Variants in WDPCP observed in about 807,000 individuals in gnomAD.
The protein encoded by WDPCP is WD repeat-containing and planar cell polarity effector protein fritz homolog.
In WDPCP, 71 loss-of-function variants were observed where a neutral mutation model predicts 93.1. The ratio of observed to expected loss-of-function variants is 0.76; its 90% CI spans 0.63 to 0.93. The LOEUF (loss-of-function observed/expected upper bound fraction) is 0.93, where lower values mean the gene tolerates loss of function less well. Among genes scored for constraint, WDPCP ranks in the 40% least tolerant of loss-of-function variants. WDPCP has a pLI of 0.00. For synonymous variants in WDPCP, 315 were observed against 315.0 expected (o/e 1.00, Z 0.00); for missense variants, 844 against 887.4 (o/e 0.95, Z 0.62).
upstream of WDPCP, chr2:63,589,431 C>T (rs1709108786): frequency 1.3e-6 from 2 of 1,516,670 alleles, no homozygotes; most frequent in Non-Finnish European, 1.8e-6. Context: ...TTTTTCTCCT[C>T]ATTTGCCCAC....
At chr2:63,195,961 C>G (rs1675402683) in intron 14 of WDPCP, among the ~76,000 whole-genome samples, 1 of 152,148 alleles carries the variant, frequency 6.6e-6, no homozygotes, top group Admixed American at 6.5e-5. Flanking sequence ...GTATAGCCAC[C>G]TCCTGTTGCT....
chr2:63,632,027 C>A (rs1709869903), intron 3 of WDPCP, among the ~76,000 whole-genome samples: 1 of 152,212 alleles, frequency 6.6e-6, no homozygotes, highest in Non-Finnish European at 1.5e-5. Flanking sequence ...AAAGGATAGG[C>A]TGTTATGTAT....
chr2:63,806,756 T>C (rs1670773444), intron 2 of WDPCP, among the ~76,000 whole-genome samples: 1 of 152,150 alleles, frequency 6.6e-6, no homozygotes, highest in Admixed American at 6.5e-5. Context: ...GCGATATTTC[T>C]CCCATTTGCT....
At chr2:63,689,546 C>T (rs1668862059) in intron 2 of WDPCP, among the ~76,000 whole-genome samples, 2 of 152,142 alleles carry the variant, frequency 1.3e-5, no homozygotes, top group Admixed American at 6.5e-5. Context: ...GTAACTGAAA[C>T]TCCTGATGCA....
chr2:63,761,975 TA>T (rs750603667), intron 2 of WDPCP, among the ~76,000 whole-genome samples: 1 of 151,794 alleles, frequency 6.6e-6, no homozygotes. Context: ...TACTTACATT[TA>T]AAAAAAACAC....
chr2:63,655,704 T>C (rs1181873438), intron 2 of WDPCP, among the ~76,000 whole-genome samples: 2 of 152,218 alleles, frequency 1.3e-5, no homozygotes, highest in African/African-American at 4.8e-5. Context: ...AAAATCTATA[T>C]ATGTCCTTGT....
intron 12 of WDPCP, among the ~76,000 whole-genome samples, chr2:63,374,136 A>G (rs1194332871): frequency 1.3e-5 from 2 of 148,992 alleles, no homozygotes; most frequent in Non-Finnish European, 3.0e-5. Context: ...ATGCTGTCCC[A>G]TTCAAGGGTT....
At chr2:63,571,649 T>C (rs1195261063) in intron 1 of WDPCP, 1 of 470,442 alleles carries the variant, frequency 2.1e-6, no homozygotes, top group Non-Finnish European at 4.4e-6. Context: ...TAGTTCAATA[T>C]GACCTACTCC....
intron 1 of WDPCP, among the ~76,000 whole-genome samples, chr2:63,532,906 C>A (rs964806372): frequency 5.3e-5 from 8 of 152,148 alleles, no homozygotes; most frequent in Admixed American, 5.2e-4. Flanking sequence ...TTAAAAGACA[C>A]AGACTGGCAA....
At chr2:63,571,358 T>C (rs1460599042) in intron 1 of WDPCP, 1 of 454,384 alleles carries the variant, frequency 2.2e-6, no homozygotes, top group South Asian at 1.6e-5. Flanking sequence ...AATAAATATA[T>C]TTACCCATAT....
intron 1 of WDPCP, among the ~76,000 whole-genome samples, chr2:63,816,517 C>G (rs1025093484): frequency 6.6e-6 from 1 of 152,026 alleles, no homozygotes; most frequent in Non-Finnish European, 1.5e-5. Context: ...AAGACAGAGG[C>G]AGAGACTGGA....
intron 2 of WDPCP, among the ~76,000 whole-genome samples, chr2:63,663,047 A>T (rs1176421146): frequency 1.3e-5 from 2 of 152,232 alleles, no homozygotes; most frequent in African/African-American, 4.8e-5. Context: ...TAGCCATGTT[A>T]TGTCATACCT....
intron 13 of WDPCP, among the ~76,000 whole-genome samples, chr2:63,308,331 G>C (rs1685910012): frequency 6.6e-6 from 1 of 152,222 alleles, no homozygotes; most frequent in African/African-American, 2.4e-5. Flanking sequence ...GGGAGACAGT[G>C]TGGCAATTCC....
At chr2:63,174,549 T>G in intron 15 of WDPCP, 121 bp downstream of exon 15, 1 of 1,338,904 alleles carries the variant, frequency 7.5e-7, no homozygotes, top group African/African-American at 1.4e-5. Flanking sequence ...GTCTGAGCCA[T>G]GAGAAATGCA....
At chr2:63,605,209 G>T in intron 3 of WDPCP, 2 of 1,010,402 alleles carry the variant, frequency 2.0e-6, no homozygotes, top group South Asian at 2.8e-5. Flanking sequence ...CCCCAAGGTC[G>T]ACTTGGAATT....
At chr2:63,776,074 T>TATAC (rs59262674) in intron 2 of WDPCP, among the ~76,000 whole-genome samples, 34,508 of 146,708 alleles carry the variant, frequency 0.24, 4,464 homozygotes, top group Non-Finnish European at 0.29. Flanking sequence ...TAAATACACA[T>TATAC]ATACATACAT....
chr2:63,504,870 C>T (rs1701770676), intron 1 of WDPCP, among the ~76,000 whole-genome samples: 3 of 151,994 alleles, frequency 2.0e-5, no homozygotes, highest in South Asian at 2.1e-4. Flanking sequence ...TTTGATATTT[C>T]TTATGCCCTA....
chr2:63,633,605 A>T (rs1373631442), intron 3 of WDPCP, among the ~76,000 whole-genome samples: 1 of 152,182 alleles, frequency 6.6e-6, no homozygotes, highest in Non-Finnish European at 1.5e-5. Context: ...ACAAAAGATA[A>T]ACAGAAAAAA....
At position 63,787,382 on chromosome 2, in the gene WDPCP, C is replaced by T. The variant is rs143774642; in HGVS notation, n.308+26240G>A. ...TAAGCAAGTAGAGTGGAAAAATAGA[C>T]GGAGAAGTTTCTCTACTTATACCTG... is the stretch of plus-strand genomic sequence containing the variant. On this transcript the variant is annotated intron_variant and non_coding_transcript_variant, in intron 2 of 4. Transcript: ENST00000467687. Among the ~76,000 whole-genome samples, 551 of 152,202 alleles carry T rather than the reference C, an allele frequency of 3.6e-3. 4 individuals carry two copies. The highest frequency in any genetic ancestry group is 0.012 in the African/African-American group (511 of 41,540).
Sources: gnomAD v4.1 joint callset for allele counts (sites outside exome capture counted in the v4.1 genomes callset) on GRCh38, gnomAD v4.1.1 for gene constraint, MANE v1.5 for transcripts, NCBI Gene and HGNC (gene_info 2026-07-23, HGNC 2026-07-21) for gene names.